The following SGCD variants were observed in gnomAD, a reference collection of about 807,000 sequenced individuals.
The protein encoded by SGCD is delta-sarcoglycan.
SGCD carries 18 observed loss-of-function variants against 36.6 expected under a neutral mutation model. The ratio of observed to expected loss-of-function variants is 0.49; its 90% CI spans 0.34 to 0.73. The LOEUF (loss-of-function observed/expected upper bound fraction) is 0.73, where lower values mean the gene tolerates loss of function less well. SGCD is among the 30% of genes least tolerant of loss of function. The pLI, the probability that SGCD is intolerant of heterozygous loss-of-function variation, is 0.01. For missense variants in SGCD, 387 were observed against 346.7 expected (o/e 1.12, Z -0.92); for synonymous variants, 133 against 130.6 (o/e 1.02, Z -0.12).
intron 3 of SGCD, among the ~76,000 whole-genome samples, chr5:156,173,234 A>G (rs1763383852): frequency 6.6e-6 from 1 of 152,150 alleles, no homozygotes; most frequent in South Asian, 2.1e-4. Flanking sequence ...CTACTTTATG[A>G]TATGAAATAA....
intron 1 of SGCD, among the ~76,000 whole-genome samples, chr5:156,115,341 T>A (rs1389353987): frequency 6.6e-6 from 1 of 152,052 alleles, no homozygotes; most frequent in Non-Finnish European, 1.5e-5. Flanking sequence ...ATAATTTTAT[T>A]ATGGGAAATT....
chr5:155,798,277 A>T, the SGCD span, among the ~76,000 whole-genome samples: 1 of 152,152 alleles, frequency 6.6e-6, no homozygotes, highest in Non-Finnish European at 1.5e-5. Context: ...ACCCAGTTCT[A>T]CTGATTTAGC....
chr5:155,856,176 A>T, the SGCD span, among the ~76,000 whole-genome samples: 6 of 152,320 alleles, frequency 3.9e-5, no homozygotes, highest in South Asian at 1.2e-3. Context: ...ATACATATAC[A>T]TATATACGTA....
intron 1 of SGCD, among the ~76,000 whole-genome samples, chr5:155,936,199 G>A (rs997077091): frequency 6.6e-6 from 1 of 152,142 alleles, no homozygotes; most frequent in Non-Finnish European, 1.5e-5. Flanking sequence ...AAAGGGGTGC[G>A]TTTCAGCCCT....
chr5:156,522,301 C>T (rs529207472), intron 4 of SGCD, among the ~76,000 whole-genome samples: 2 of 152,000 alleles, frequency 1.3e-5, no homozygotes, highest in East Asian at 1.9e-4. Flanking sequence ...ATGTATCAAA[C>T]CTGCACGTTG....
chr5:156,239,324 C>T (rs1199416760), intron 3 of SGCD, among the ~76,000 whole-genome samples: 3 of 141,806 alleles, frequency 2.1e-5, no homozygotes, highest in Non-Finnish European at 4.5e-5. Flanking sequence ...CGCTTGAACC[C>T]GGGAGGCGGA....
chr5:156,617,365 G>C (rs1762058092), intron 6 of SGCD, among the ~76,000 whole-genome samples: 1 of 152,216 alleles, frequency 6.6e-6, no homozygotes, highest in Non-Finnish European at 1.5e-5. Flanking sequence ...ACGATACCTT[G>C]AGATAGAACT....
At chr5:155,846,087 T>C in the SGCD span, among the ~76,000 whole-genome samples, 1 of 152,336 alleles carries the variant, frequency 6.6e-6, no homozygotes, top group East Asian at 1.9e-4. Flanking sequence ...ACCAGCATTC[T>C]GGAGGTCATC....
chr5:155,732,735 A>G, the SGCD span, among the ~76,000 whole-genome samples: 1 of 152,164 alleles, frequency 6.6e-6, no homozygotes, highest in African/African-American at 2.4e-5. Flanking sequence ...CCAGAGATCT[A>G]TATTTTTAGC....
the SGCD span, among the ~76,000 whole-genome samples, chr5:155,829,213 T>C: frequency 1.3e-5 from 2 of 152,166 alleles, no homozygotes; most frequent in African/African-American, 2.4e-5. Flanking sequence ...TACACCTTTC[T>C]TGACATTTGG....
chr5:156,552,758 A>T (rs2113206410), intron 4 of SGCD, among the ~76,000 whole-genome samples: 1 of 152,288 alleles, frequency 6.6e-6, no homozygotes, highest in South Asian at 2.1e-4. Flanking sequence ...ATAGACTGTT[A>T]TATAGTAGGG....
intron 1 of SGCD, among the ~76,000 whole-genome samples, chr5:156,113,957 G>GA: frequency 6.6e-6 from 1 of 152,068 alleles, no homozygotes; most frequent in East Asian, 1.9e-4. Flanking sequence ...TTCTGGAAAA[G>GA]AAAAAAACTT....
intron 1 of SGCD, among the ~76,000 whole-genome samples, chr5:155,929,631 G>T (rs1053133483): frequency 6.6e-6 from 1 of 151,924 alleles, no homozygotes; most frequent in African/African-American, 2.4e-5. Context: ...GGATTCTTCC[G>T]CTCTGTAAAA....
chr5:156,595,001 C>T lies in SGCD; in HGVS notation c.452C>T (p.Ser151Phe), dbSNP rs766924806. The T allele has an allele frequency of 8.7e-6, 14 of 1,612,448 alleles. No homozygotes were observed. Among genetic ancestry groups the T allele is most frequent in the East Asian group, 2.2e-5 (1 of 44,850 alleles). ...VKTVSGKLLF[S>F]ADNNEVVVGA... ...ACTGTTTCTGGAAAATTGCTCTTCT[C>T]TGCAGACAATAATGAAGTGGTAGTA... The change falls in exon 6 of 9, where the codon TCT becomes TTT. Residue 151 changes from serine (S) to phenylalanine (F), a missense_variant. By Grantham distance (155) the Ser-to-Phe change is radical. Transcript: ENST00000337851.
At chr5:156,227,375 T>A (rs1277605803) in intron 3 of SGCD, among the ~76,000 whole-genome samples, 3 of 152,148 alleles carry the variant, frequency 2.0e-5, no homozygotes, top group Non-Finnish European at 4.4e-5. Flanking sequence ...CTCCACTTCA[T>A]GTTTTTGTTT....
chr5:155,902,303 TG>T lies in SGCD; in HGVS notation c.-282+31880del, dbSNP rs1378868349. 2.6e-5 allele frequency among the ~76,000 whole-genome samples: 4 copies of T among 152,338 alleles called. No individual in the cohort carries two copies. The East Asian group carries it at 7.7e-4, about 29-fold the overall frequency. On this transcript the variant is annotated intron_variant, in intron 1 of 9. Coordinates refer to the SGCD transcript ENST00000517913. ...AGTCGTTTTAAAAAATTAATTCAAC[TG>T]ATTTATTGGTCACTTACTGTGCACT... is the stretch of plus-strand genomic sequence containing the variant.
In SGCD at chr5:156,767,323, G is replaced by C. The variant is rs1337997973; in HGVS notation, c.*7933G>C. On this transcript the variant is annotated 3_prime_UTR_variant, in exon 9 of 9. Coordinates refer to ENST00000337851, the MANE Select transcript of SGCD (RefSeq NM_000337.6). ...CAGGTTTCTCCCTTTTTGAGATTAT[G>C]AAGAAGCTGAGACATACTTCTTAAG... The C allele has an allele frequency of 6.6e-6, 1 of 152,070 alleles. No homozygotes were observed. The highest frequency in any genetic ancestry group is 1.5e-5 in the Non-Finnish European group (1 of 67,996). The allele number at this position is 152,070 out of a possible 1,614,324, so 9.4% of individuals were successfully genotyped here.
At chr5:156,051,739 G>A (rs1319764520) in intron 1 of SGCD, among the ~76,000 whole-genome samples, 3 of 145,912 alleles carry the variant, frequency 2.1e-5, no homozygotes, top group Non-Finnish European at 4.6e-5. Flanking sequence ...GAAGGAACAA[G>A]CATAGTGCAA....
chr5:156,360,461 T>A (rs1441454124), intron 3 of SGCD, among the ~76,000 whole-genome samples: 2 of 152,172 alleles, frequency 1.3e-5, no homozygotes, highest in Non-Finnish European at 2.9e-5. Flanking sequence ...TTGGCCAGGC[T>A]GGTCTCAAAC....
Sources: gnomAD v4.1 joint callset for allele counts (sites outside exome capture counted in the v4.1 genomes callset) on GRCh38, gnomAD v4.1.1 for gene constraint, MANE v1.5 for transcripts, NCBI Gene and HGNC (gene_info 2026-07-23, HGNC 2026-07-21) for gene names.